GRIA1: variants seen among roughly 807,000 people sequenced by gnomAD.
The protein encoded by GRIA1 is glutamate receptor 1.
GRIA1 carries 31 observed loss-of-function variants against 99.2 expected under a neutral mutation model. That is an observed-to-expected ratio of 0.31 (90% CI 0.23 to 0.42). The LOEUF (loss-of-function observed/expected upper bound fraction) is 0.42, where lower values mean the gene tolerates loss of function less well. Among genes scored for constraint, GRIA1 ranks in the 10% least tolerant of loss-of-function variants. The probability of loss-of-function intolerance (pLI) is 1.00; values close to 1 mark genes in which losing one functional copy is unlikely to be tolerated. For synonymous variants in GRIA1, 438 were observed against 432.4 expected (o/e 1.01, Z -0.16); for missense variants, 782 against 1,157.5 (o/e 0.68, Z 4.71).
chr5:153,773,684 G>A (rs1764030717), intron 13 of GRIA1, among the ~76,000 whole-genome samples: 1 of 152,138 alleles, frequency 6.6e-6, no homozygotes, highest in African/African-American at 2.4e-5. Context: ...AAAAAAGAGA[G>A]CAAAAGAAAA....
intron 14 of GRIA1, among the ~76,000 whole-genome samples, chr5:153,799,345 T>C (rs1202487512): frequency 6.6e-6 from 1 of 152,184 alleles, no homozygotes; most frequent in Non-Finnish European, 1.5e-5. Flanking sequence ...TGCCCCAGGA[T>C]TTCCCATTTT....
rs1172517042 is a variant in GRIA1 at position 153,634,317 on chromosome 5, C to CA, written c.221-12599dup. On this transcript the variant is annotated intron_variant, in intron 2 of 15. Transcript: ENST00000285900. ...TGGGCAACAGAGTGAGACTCCATCTCAAAAAAAAAAAAGAAAAAAAAAAGA... is the reference window on the plus strand; with the variant it reads ...TGGGCAACAGAGTGAGACTCCATCTCAAAAAAAAAAAAAGAAAAAAAAAAGA... 3.0e-3 allele frequency among the ~76,000 whole-genome samples: 213 copies of CA among 70,012 alleles called. 1 individual carries two copies. The highest frequency in any genetic ancestry group is 8.9e-3 in the South Asian group (22 of 2,476). 45.9% of individuals were successfully genotyped at this position (70,012 alleles called of 152,430 possible).
intron 2 of GRIA1, among the ~76,000 whole-genome samples, chr5:153,530,364 C>A (rs541821413): frequency 6.6e-6 from 1 of 152,208 alleles, no homozygotes; most frequent in African/African-American, 2.4e-5. Flanking sequence ...CTTTGCCATG[C>A]GACAGTTTGC....
chr5:153,802,141 G>C (rs1431944270), intron 14 of GRIA1, among the ~76,000 whole-genome samples: 1 of 152,064 alleles, frequency 6.6e-6, no homozygotes, highest in Non-Finnish European at 1.5e-5. Context: ...AGGGAGGCTT[G>C]GAAAATGTAT....
chr5:153,627,444 C>T (rs1407204658), intron 2 of GRIA1, among the ~76,000 whole-genome samples: 2 of 152,166 alleles, frequency 1.3e-5, no homozygotes, highest in African/African-American at 4.8e-5. Context: ...GGCACGTGAG[C>T]CCAAGTGTTC....
At chr5:153,491,381 A>G (rs1288870690) in intron 1 of GRIA1, 1 of 785,366 alleles carries the variant, frequency 1.3e-6, no homozygotes, top group Non-Finnish European at 1.6e-6. Context: ...TATATATTAC[A>G]TATGCACATA....
intron 12 of GRIA1, among the ~76,000 whole-genome samples, chr5:153,769,887 A>G (rs527577023): frequency 4.6e-5 from 7 of 152,032 alleles, no homozygotes; most frequent in Non-Finnish European, 1.0e-4. Flanking sequence ...GCAGGGCCCC[A>G]GTTTCTTAAT....
intron 5 of GRIA1, among the ~76,000 whole-genome samples, chr5:153,670,087 C>G (rs114879563): frequency 6.6e-6 from 1 of 152,174 alleles, no homozygotes; most frequent in East Asian, 1.9e-4. Context: ...TATTCTGATA[C>G]GTCCCTCAGA....
intron 11 of GRIA1, among the ~76,000 whole-genome samples, chr5:153,761,062 AC>A (rs1763152190): frequency 6.6e-6 from 1 of 152,170 alleles, no homozygotes. Context: ...AAGATTCAAA[AC>A]TATGAAAGTA....
Position 153,717,657 on chromosome 5 carries a change from A to G in GRIA1, c.1823+11590A>G, listed in dbSNP as rs567695552. Among the ~76,000 whole-genome samples the G allele has an allele frequency of 1.1e-4, 16 of 152,304 alleles. No individual in the cohort carries two copies. The South Asian group carries it at 3.3e-3, about 32-fold the overall frequency. On this transcript the variant is annotated intron_variant, in intron 11 of 15. Coordinates refer to ENST00000285900, the MANE Select transcript of GRIA1 (RefSeq NM_000827.4). ...AAACACACAGAGTGTAAAATAGGTA[A>G]TGTTGGACCACTTCTTCAGCTGCCA...
In GRIA1 at chr5:153,770,176, A is replaced by C; in HGVS notation, c.2031A>C (p.Lys677Asn). The C allele has an allele frequency of 6.2e-7, 1 of 1,613,854 alleles. No homozygotes were observed. Among genetic ancestry groups the C allele is most frequent in the Non-Finnish European group, 8.5e-7 (1 of 1,179,796 alleles). Residue 677 changes from lysine (K) to asparagine (N), a missense_variant, in exon 13 of 16, where the codon AAA (lysine) becomes AAC (asparagine). Lys to Asn is a moderately conservative substitution (Grantham distance 94, BLOSUM62 0). Transcript: ENST00000285900. The part of the protein sequence containing the change: ...GSTKEFFRRS[K>N]IAVFEKMWTY... ...GTTTCTGTCCCTACCAGAGGTCTAAAATTGCTGTGTTTGAGAAGATGTGGA... is the reference window on the plus strand; with the variant it reads ...GTTTCTGTCCCTACCAGAGGTCTAACATTGCTGTGTTTGAGAAGATGTGGA...
intron 2 of GRIA1, among the ~76,000 whole-genome samples, chr5:153,504,966 G>T (rs1434346036): frequency 6.6e-6 from 1 of 152,156 alleles, no homozygotes; most frequent in Non-Finnish European, 1.5e-5. Context: ...CCACCAGATG[G>T]TAGGTTCTCC....
intron 2 of GRIA1, among the ~76,000 whole-genome samples, chr5:153,612,343 G>A (rs1414953213): frequency 2.0e-5 from 3 of 152,224 alleles, no homozygotes; most frequent in Non-Finnish European, 4.4e-5. Context: ...AGAATTTGAA[G>A]TTGATACTAT....
intron 15 of GRIA1, among the ~76,000 whole-genome samples, chr5:153,802,773 C>T (rs13186102): frequency 0.099 from 15,067 of 152,112 alleles, 910 homozygotes; most frequent in Non-Finnish European, 0.12. Flanking sequence ...GGATAGGTAG[C>T]GCAGCGAGAG....
intron 1 of GRIA1, 61 bp downstream of exon 1, chr5:153,491,031 A>G: frequency 6.7e-7 from 1 of 1,485,018 alleles, no homozygotes; most frequent in Non-Finnish European, 9.4e-7. Flanking sequence ...TTTTTTGGGG[A>G]TAGGGGTTGT....
chr5:153,555,953 G>A (rs755700138), intron 2 of GRIA1, among the ~76,000 whole-genome samples: 1 of 152,226 alleles, frequency 6.6e-6, no homozygotes, highest in Non-Finnish European at 1.5e-5. Context: ...GATGATGAAG[G>A]CATTTAGAGC....
intron 2 of GRIA1, among the ~76,000 whole-genome samples, chr5:153,556,921 G>T: frequency 6.6e-6 from 1 of 152,124 alleles, no homozygotes; most frequent in Non-Finnish European, 1.5e-5. Flanking sequence ...ACACACCTAG[G>T]CTATATTGGA....
intron 13 of GRIA1, among the ~76,000 whole-genome samples, chr5:153,778,579 G>T (rs1423256178): frequency 1.3e-5 from 2 of 151,462 alleles, no homozygotes; most frequent in African/African-American, 4.9e-5. Context: ...CCCTCTCAAA[G>T]ATGTAAGGAG....
At chr5:153,730,167 A>G (rs1760901431) in intron 11 of GRIA1, among the ~76,000 whole-genome samples, 1 of 152,064 alleles carries the variant, frequency 6.6e-6, no homozygotes, top group South Asian at 2.1e-4. Flanking sequence ...TGCAGATTCT[A>G]GTTCCATAGT....
Sources: allele counts gnomAD v4.1 joint callset (sites outside exome capture counted in the v4.1 genomes callset), GRCh38; gene constraint gnomAD v4.1.1; transcripts MANE v1.5; gene names NCBI Gene and HGNC (gene_info 2026-07-23, HGNC 2026-07-21).